The following SLC25A36 variants were observed in gnomAD, a reference collection of about 807,000 sequenced individuals.
SLC25A36 encodes the protein solute carrier family 25 member 36.
Under a neutral mutation model 35.3 loss-of-function variants are expected in SLC25A36, and 24 were observed. That is an observed-to-expected ratio of 0.68 (90% confidence interval 0.49 to 0.96). The LOEUF is 0.96. Ranked by LOEUF, SLC25A36 falls within the 40% of genes least tolerant of loss-of-function variation. The pLI is 0.00. For missense variants in SLC25A36, 294 were observed against 381.1 expected, an observed-to-expected ratio of 0.77 and a Z score of 1.90; for synonymous variants, 141 against 132.2, an observed-to-expected ratio of 1.07 and a Z score of -0.46.
chr3:140,975,080 G>C lies in SLC25A36; in HGVS notation c.742+1075G>C, dbSNP rs548246686. ...TGTCATTACAGGAAGAGGTACAGTT[G>C]ATAAACAAGATACATTCTTTTTTTT... On this transcript the variant is annotated intron_variant, in intron 6 of 6. Coordinates refer to ENST00000324194, the MANE Select transcript of SLC25A36 (RefSeq NM_001104647.3). 7.2e-5 allele frequency among the ~76,000 whole-genome samples: 8 copies of C among 111,050 alleles called. No homozygotes were observed. In the South Asian group the frequency reaches 2.8e-3, roughly 39 times the overall value. 72.9% of individuals were successfully genotyped at this position (111,050 alleles called of 152,430 possible).
intron 1 of SLC25A36, among the ~76,000 whole-genome samples, chr3:140,945,526 A>G (rs1352619304): frequency 6.6e-6 from 1 of 152,218 alleles, no homozygotes; most frequent in Non-Finnish European, 1.5e-5. Flanking sequence ...GTGTAGCACA[A>G]CATTGTGGGT....
chr3:140,956,557 A>G lies in SLC25A36; in HGVS notation c.72A>G (p.Thr24=), dbSNP rs144153285. The part of the protein sequence containing the change: ...GCGGTVGAIL[T]CPLEVVKTRL... ...GTGGTACAGTGGGAGCTATTCTGAC[A>G]TGTCCACTGGAAGTTGTAAAAACAC... Residue 24 remains threonine, a synonymous_variant, in exon 2 of 7, where the codon ACA becomes ACG. Transcript: ENST00000324194. 131 of 1,605,358 alleles carry G rather than the reference A, an allele frequency of 8.2e-5. No homozygotes were observed. The highest frequency in any genetic ancestry group is 1.0e-4 in the Non-Finnish European group (119 of 1,178,032).
chr3:140,979,545 T>A lies in SLC25A36; in HGVS notation c.*3092T>A, dbSNP rs1935136589. ...TCCTAAGAATATAGGTATTTCTGAA[T>A]GATTTAAATTTGAGGAATTTTAATA... is the stretch of plus-strand genomic sequence containing the variant. On this transcript the variant is annotated 3_prime_UTR_variant, in exon 7 of 7. Coordinates refer to ENST00000324194, the MANE Select transcript of SLC25A36 (RefSeq NM_001104647.3). 6.6e-6 allele frequency: 1 copy of A among 152,178 alleles called. No individual in the cohort carries two copies. Among genetic ancestry groups the A allele is most frequent in the African/African-American group, 2.4e-5 (1 of 41,454 alleles). 9.4% of individuals were successfully genotyped at this position (152,178 alleles called of 1,614,324 possible).
At chr3:140,968,413 AC>A in intron 4 of SLC25A36, 5 of 970,620 alleles carry the variant, frequency 5.2e-6, no homozygotes, top group Non-Finnish European at 6.1e-6. Context: ...AACATAGCTT[AC>A]TGATAATAGC....
intron 4 of SLC25A36, among the ~76,000 whole-genome samples, chr3:140,969,825 ATG>A (rs1559816454): frequency 6.6e-6 from 1 of 151,952 alleles, no homozygotes; most frequent in African/African-American, 2.4e-5. Context: ...CTCATCTTAA[ATG>A]TACTGATCAT....
rs998780128 is a variant in SLC25A36, at chr3:140,968,069, G to A, written c.386-2858G>A. The A allele has an allele frequency of 3.7e-5, 36 of 984,972 alleles. No individual in the cohort carries two copies. In the East Asian group the frequency reaches 3.5e-3, roughly 96 times the overall value. The allele number at this position is 984,972 out of a possible 1,614,324, so 61.0% of individuals were successfully genotyped here. On this transcript the variant is annotated intron_variant, in intron 4 of 6. Coordinates refer to ENST00000324194, the MANE Select transcript of SLC25A36 (RefSeq NM_001104647.3). ...AGTAGTGGGAAGATATGTTTAGCTT[G>A]GGCTAACCTCAAATTGCCTTACCAT...
At chr3:140,961,690 C>G (rs1032255827) in intron 3 of SLC25A36, among the ~76,000 whole-genome samples, 4 of 151,576 alleles carry the variant, frequency 2.6e-5, no homozygotes, top group Non-Finnish European at 4.4e-5. Flanking sequence ...CCCATCTCTA[C>G]TAAAAATATA....
At chr3:140,951,434 T>G (rs1934320557) in intron 1 of SLC25A36, among the ~76,000 whole-genome samples, 1 of 152,190 alleles carries the variant, frequency 6.6e-6, no homozygotes, top group African/African-American at 2.4e-5. Flanking sequence ...ACAACCTAAG[T>G]GCTTGTGCAT....
intron 4 of SLC25A36, chr3:140,968,103 C>T: frequency 1.0e-6 from 1 of 984,650 alleles, no homozygotes; most frequent in Non-Finnish European, 1.2e-6. Flanking sequence ...ATATATAATG[C>T]TAAGTTACGA....
At chr3:140,957,917 C>T (rs995378076) in intron 2 of SLC25A36, among the ~76,000 whole-genome samples, 1 of 152,160 alleles carries the variant, frequency 6.6e-6, no homozygotes, top group South Asian at 2.1e-4. Flanking sequence ...GCCTTCCCTT[C>T]ACAGGAGCTT....
chr3:140,955,739 C>G (rs1934463120), intron 1 of SLC25A36, among the ~76,000 whole-genome samples: 2 of 152,122 alleles, frequency 1.3e-5, no homozygotes, highest in African/African-American at 4.8e-5. Flanking sequence ...GTTGCCCAGG[C>G]TAGAGTGCAG....
intron 4 of SLC25A36, chr3:140,965,451 G>A (rs576574712): frequency 6.6e-6 from 1 of 151,704 alleles, no homozygotes; most frequent in Non-Finnish European, 1.5e-5. Context: ...GATACTGCCT[G>A]CAAGATTTTA....
rs1268717049 is a variant in SLC25A36, at chr3:140,976,806, C to T, written c.*353C>T. 6.1e-6 allele frequency: 1 copy of T among 164,758 alleles called. No homozygotes were observed. Among genetic ancestry groups the T allele is most frequent in the South Asian group, 2.0e-4 (1 of 5,030 alleles). 10.2% of individuals were successfully genotyped at this position (164,758 alleles called of 1,614,324 possible). A position where few individuals can be genotyped will look rare whatever the true frequency, so the allele number is the denominator to read the frequency against. On this transcript the variant is annotated 3_prime_UTR_variant, in exon 7 of 7. Coordinates refer to ENST00000324194, the MANE Select transcript of SLC25A36 (RefSeq NM_001104647.3). ...TTTTACATACTGTATTGTAACTATC[C>T]AAAGATAGTATTGGCAGTCATAAAT...
Position 140,978,990 on chromosome 3 carries a change from AT to A in SLC25A36, c.*2539del, listed in dbSNP as rs1935123072. On this transcript the variant is annotated 3_prime_UTR_variant, in exon 7 of 7. Transcript: ENST00000324194. ...TTTTTATTTCTGGTGTAGAGTCCACATTATTTAGTTTGTTGTACTTTTAAAT... is the reference window on the plus strand; with the variant it reads ...TTTTTATTTCTGGTGTAGAGTCCACATATTTAGTTTGTTGTACTTTTAAAT... 1 of 152,110 alleles carries A rather than the reference AT, an allele frequency of 6.6e-6. No homozygotes were observed. The highest frequency in any genetic ancestry group is 2.4e-5 in the African/African-American group (1 of 41,434). The allele number at this position is 152,110 out of a possible 1,614,324, so 9.4% of individuals were successfully genotyped here.
intron 1 of SLC25A36, among the ~76,000 whole-genome samples, chr3:140,955,447 T>C (rs1934454938): frequency 6.6e-6 from 1 of 152,228 alleles, no homozygotes; most frequent in Non-Finnish European, 1.5e-5. Flanking sequence ...AAGGCTTCAC[T>C]TGGTAGTTAT....
At chr3:140,968,720 C>A in intron 4 of SLC25A36, 1 of 981,710 alleles carries the variant, frequency 1.0e-6, no homozygotes, top group Non-Finnish European at 1.2e-6. Context: ...GTATTATGGA[C>A]AGAAGCTTGG....
rs1179893714 is a variant in SLC25A36, at chr3:140,980,699, C to T, written c.*4246C>T. Among the ~76,000 whole-genome samples, 1 of 56,662 alleles carries T rather than the reference C, an allele frequency of 1.8e-5. No homozygotes were observed. The highest frequency in any genetic ancestry group is 5.5e-5 in the Non-Finnish European group (1 of 18,080). The allele number at this position is 56,662 out of a possible 152,430, so 37.2% of individuals were successfully genotyped here. A position where few individuals can be genotyped will look rare whatever the true frequency, so the allele number is the denominator to read the frequency against. On this transcript the variant is annotated 3_prime_UTR_variant, in exon 7 of 7. Coordinates refer to ENST00000324194, the MANE Select transcript of SLC25A36 (RefSeq NM_001104647.3). ...TGTAATTAAATGTTCCCCCTGCCCC[C>T]CCCCCCTTTTAATATATATACACGG...
In SLC25A36 at chr3:140,977,229, C is replaced by T. The variant is rs1367463855; in HGVS notation, c.*776C>T. Reference sequence around the variant, plus strand: ...ATGAATGCATTTATCTTTTTAGTGACTTACTAGTTACGAACTTGAATTATC... The same window carrying T: ...ATGAATGCATTTATCTTTTTAGTGATTTACTAGTTACGAACTTGAATTATC... On this transcript the variant is annotated 3_prime_UTR_variant, in exon 7 of 7. Transcript: ENST00000324194. 5.3e-5 allele frequency: 8 copies of T among 152,090 alleles called. No individual in the cohort carries two copies. Among genetic ancestry groups the T allele is most frequent in the Non-Finnish European group, 5.9e-5 (4 of 68,022 alleles). 9.4% of individuals were successfully genotyped at this position (152,090 alleles called of 1,614,324 possible).
chr3:140,946,031 C>T (rs1318071808), intron 1 of SLC25A36, among the ~76,000 whole-genome samples: 5 of 152,094 alleles, frequency 3.3e-5, no homozygotes, highest in Admixed American at 2.0e-4. Flanking sequence ...TGGTATAGTT[C>T]AGATTCTACA....
Sources: gnomAD v4.1 joint callset for allele counts (sites outside exome capture counted in the v4.1 genomes callset) on GRCh38, gnomAD v4.1.1 for gene constraint, MANE v1.5 for transcripts, NCBI Gene and HGNC (gene_info 2026-07-23, HGNC 2026-07-21) for gene names.